The following TPO variants were observed in gnomAD, a reference collection of about 807,000 sequenced individuals.
The protein encoded by TPO is thyroid microsomal antigen.
A neutral mutation model predicts 96.9 loss-of-function variants in TPO; 78 were observed. The ratio of observed to expected loss-of-function variants is 0.81; its 90% CI spans 0.67 to 0.97. The LOEUF (loss-of-function observed/expected upper bound fraction) is 0.97, where lower values mean the gene tolerates loss of function less well. Among genes scored for constraint, TPO ranks in the 50% least tolerant of loss-of-function variants. TPO has a pLI of 0.00. For missense variants in TPO, 1,252 were observed against 1,274.8 expected, an observed-to-expected ratio of 0.98 and a Z score of 0.27; for synonymous variants, 547 against 538.0, an observed-to-expected ratio of 1.02 and a Z score of -0.23.
chr2:1,449,333 CT>C (rs1299967468), intron 5 of TPO, among the ~76,000 whole-genome samples: 8 of 152,170 alleles, frequency 5.3e-5, no homozygotes, highest in Non-Finnish European at 1.2e-4. Context: ...CAGCTATTTT[CT>C]TTTTTTCTAT....
intron 1 of TPO, among the ~76,000 whole-genome samples, chr2:1,405,827 T>C (rs1259639553): frequency 6.6e-6 from 1 of 152,236 alleles, no homozygotes; most frequent in South Asian, 2.1e-4. Context: ...TTATTTGGTT[T>C]ATTCAAAAAG....
intron 1 of TPO, among the ~76,000 whole-genome samples, chr2:1,395,080 C>T (rs1006520158): frequency 6.6e-6 from 1 of 152,108 alleles, no homozygotes; most frequent in African/African-American, 2.4e-5. Context: ...TACTACTTTT[C>T]CTCCATTGCC....
chr2:1,535,453 G>T (rs543886719), intron 15 of TPO, among the ~76,000 whole-genome samples: 23 of 59,590 alleles, frequency 3.9e-4, no homozygotes, highest in Non-Finnish European at 7.0e-4. Flanking sequence ...CCCACTCTGT[G>T]CAACCTCCCC....
intron 3 of TPO, among the ~76,000 whole-genome samples, chr2:1,425,494 CCG>C (rs1480688130): frequency 2.6e-5 from 4 of 151,718 alleles, no homozygotes; most frequent in East Asian, 2.0e-4. Flanking sequence ...CCTCAGAAGT[CCG>C]TACTCCTTCT....
In TPO at chr2:1,392,504, T is replaced by A. The variant is rs144801454; in HGVS notation, n.180+18102T>A. Among the ~76,000 whole-genome samples, 1,302 of 152,300 alleles carry A rather than the reference T, an allele frequency of 8.5e-3. 17 individuals are homozygous for A. Among genetic ancestry groups the A allele is most frequent in the African/African-American group, 0.029 (1,202 of 41,560 alleles). ...TCTCTGCCAGGCTTTGGGATCAGGA[T>A]GATGTTGGCCTCATAAAATGAGTTA... On this transcript the variant is annotated intron_variant and non_coding_transcript_variant, in intron 1 of 5. Coordinates refer to the TPO transcript ENST00000497517.
intron 1 of TPO, among the ~76,000 whole-genome samples, chr2:1,400,598 G>A (rs1341005954): frequency 8.7e-6 from 1 of 114,422 alleles, no homozygotes; most frequent in South Asian, 3.2e-4. Flanking sequence ...AGAAATATTT[G>A]TGACTTTACA....
In TPO at chr2:1,536,617, C is replaced by T. The variant is rs572058655; in HGVS notation, c.2619-3977C>T. ...CTGTGTGCATTCTCCTCAAATGCCCCTAGCTTTGTGAAACCTCCCCAAATC... is the reference window on the plus strand; with the variant it reads ...CTGTGTGCATTCTCCTCAAATGCCCTTAGCTTTGTGAAACCTCCCCAAATC... On this transcript the variant is annotated intron_variant, in intron 15 of 16. Transcript: ENST00000329066. 1.7e-3 allele frequency among the ~76,000 whole-genome samples: 115 copies of T among 66,940 alleles called. 5 individuals carry two copies. The highest frequency in any genetic ancestry group is 8.9e-3 in the Middle Eastern group (1 of 112). The allele number at this position is 66,940 out of a possible 152,430, so 43.9% of individuals were successfully genotyped here. A position where few individuals can be genotyped will look rare whatever the true frequency, so the allele number is the denominator to read the frequency against.
chr2:1,429,928 A>C (rs995021683), intron 3 of TPO, among the ~76,000 whole-genome samples: 3 of 152,212 alleles, frequency 2.0e-5, no homozygotes, highest in Non-Finnish European at 2.9e-5. Flanking sequence ...AACATTTGGA[A>C]AATTTGCAGG....
At chr2:1,508,937 G>A (rs757369379) in intron 14 of TPO, among the ~76,000 whole-genome samples, 2 of 152,142 alleles carry the variant, frequency 1.3e-5, no homozygotes, top group Non-Finnish European at 1.5e-5. Flanking sequence ...GCTTTTGAAT[G>A]TGTTTGCTCT....
At chr2:1,540,374 A>AT in intron 15 of TPO, among the ~76,000 whole-genome samples, 1 of 152,250 alleles carries the variant, frequency 6.6e-6, no homozygotes, top group Admixed American at 6.5e-5. Context: ...TCTTGGCTGC[A>AT]AATTCTAAAA....
intron 15 of TPO, among the ~76,000 whole-genome samples, chr2:1,536,673 TCTC>T (rs983652974): frequency 4.3e-5 from 2 of 46,504 alleles, no homozygotes; most frequent in African/African-American, 1.9e-4. Context: ...CCTCCCCAGA[TCTC>T]CTTTCTGTGC....
At chr2:1,527,984 C>G (rs552631118) in intron 15 of TPO, among the ~76,000 whole-genome samples, 38 of 146,546 alleles carry the variant, frequency 2.6e-4, no homozygotes, top group Non-Finnish European at 4.6e-4. Context: ...CGTGCAACCT[C>G]CTCAAATCCC....
At position 1,467,836 on chromosome 2, in the gene TPO, C is replaced by G. The variant is rs529235784; in HGVS notation, c.820-9250C>G. On this transcript the variant is annotated intron_variant, in intron 7 of 16. Transcript: ENST00000329066. ...TTGCTGTCTATCTCATTTCTCAGTT[C>G]TGTTAGTAATTGTTTTATAAATTTG... Among the ~76,000 whole-genome samples the G allele has an allele frequency of 2.7e-5, 4 of 150,700 alleles. No individual in the cohort carries two copies. In the South Asian group the frequency reaches 8.5e-4, roughly 32 times the overall value.
intron 16 of TPO, chr2:1,541,313 G>A (rs572281412): frequency 2.0e-5 from 9 of 455,124 alleles, no homozygotes; most frequent in Non-Finnish European, 2.4e-5. Flanking sequence ...GGCATGGGGC[G>A]CACGCTTCCT....
intron 11 of TPO, among the ~76,000 whole-genome samples, chr2:1,495,351 A>G (rs1672218236): frequency 6.6e-6 from 1 of 152,206 alleles, no homozygotes. Flanking sequence ...GCCAGGAGCT[A>G]TTGGGGCTTT....
chr2:1,418,088 G>A (rs1290854344), intron 2 of TPO, among the ~76,000 whole-genome samples: 2 of 152,218 alleles, frequency 1.3e-5, no homozygotes, highest in Non-Finnish European at 2.9e-5. Flanking sequence ...TTCAAGACCA[G>A]CCTGACCAAC....
At chr2:1,474,608 C>T (rs1461334894) in intron 7 of TPO, among the ~76,000 whole-genome samples, 1 of 152,212 alleles carries the variant, frequency 6.6e-6, no homozygotes, top group Non-Finnish European at 1.5e-5. Flanking sequence ...CTCTTCCATC[C>T]TCATTGTCCA....
chr2:1,527,494 C>T (rs1421770255), intron 15 of TPO, among the ~76,000 whole-genome samples: 2 of 145,036 alleles, frequency 1.4e-5, no homozygotes, highest in African/African-American at 5.2e-5. Context: ...CATCTGTGTG[C>T]GACCTCCCCA....
chr2:1,455,337 G>C (rs1158065962), intron 6 of TPO, among the ~76,000 whole-genome samples: 1 of 152,034 alleles, frequency 6.6e-6, no homozygotes, highest in Non-Finnish European at 1.5e-5. Flanking sequence ...TTCATATCCA[G>C]TCCACATGCC....
Sources: gnomAD v4.1 joint callset for allele counts (sites outside exome capture counted in the v4.1 genomes callset) on GRCh38, gnomAD v4.1.1 for gene constraint, MANE v1.5 for transcripts, NCBI Gene and HGNC (gene_info 2026-07-23, HGNC 2026-07-21) for gene names.